ENTREP1: variants seen among roughly 807,000 people sequenced by gnomAD.
The protein encoded by ENTREP1 is Friedreich ataxia region gene X123.
the ENTREP1 span, among the ~76,000 whole-genome samples, chr9:69,352,232 C>A: frequency 1.3e-5 from 2 of 152,126 alleles, no homozygotes; most frequent in Admixed American, 1.3e-4. Flanking sequence ...AATTCTCCTG[C>A]CTCAGCCTCC....
the ENTREP1 span, among the ~76,000 whole-genome samples, chr9:69,347,231 C>A: frequency 6.6e-6 from 1 of 152,218 alleles, no homozygotes; most frequent in Admixed American, 6.5e-5. Flanking sequence ...TGGGCCTGGA[C>A]TCCTGGATGC....
At chr9:69,387,779 T>G in the ENTREP1 span, 5 of 685,874 alleles carry the variant, frequency 7.3e-6, no homozygotes, top group Non-Finnish European at 1.1e-5. Flanking sequence ...TCCTCGCTCC[T>G]TGGAACATCC....
the ENTREP1 span, among the ~76,000 whole-genome samples, chr9:69,347,003 C>T: frequency 3.9e-5 from 6 of 152,294 alleles, no homozygotes; most frequent in East Asian, 1.9e-4. Context: ...GGACCGTTGT[C>T]GGCTACACCT....
chr9:69,345,213 G>A, the ENTREP1 span, among the ~76,000 whole-genome samples: 2 of 152,092 alleles, frequency 1.3e-5, no homozygotes, highest in Non-Finnish European at 2.9e-5. Context: ...GTAGAATTGG[G>A]TATAATGAGC....
chr9:69,363,545 T>C, the ENTREP1 span, among the ~76,000 whole-genome samples: 1 of 152,242 alleles, frequency 6.6e-6, no homozygotes, highest in Middle Eastern at 3.4e-3. Context: ...AGTGAAACTG[T>C]TAACCTTTTC....
the ENTREP1 span, among the ~76,000 whole-genome samples, chr9:69,343,920 A>G: frequency 6.6e-6 from 1 of 152,206 alleles, no homozygotes; most frequent in Non-Finnish European, 1.5e-5. Flanking sequence ...AGCTTGGACC[A>G]ACCAATGTAT....
chr9:69,352,233 C>G, the ENTREP1 span, among the ~76,000 whole-genome samples: 1 of 152,166 alleles, frequency 6.6e-6, no homozygotes, highest in African/African-American at 2.4e-5. Context: ...ATTCTCCTGC[C>G]TCAGCCTCCC....
chr9:69,372,705 A>G, the ENTREP1 span, among the ~76,000 whole-genome samples: 2 of 152,184 alleles, frequency 1.3e-5, no homozygotes, highest in Admixed American at 6.5e-5. Flanking sequence ...TATAACCAGA[A>G]GTGATCATTT....
At chr9:69,383,514 A>G in the ENTREP1 span, 1 of 1,542,568 alleles carries the variant, frequency 6.5e-7, no homozygotes, top group African/African-American at 1.4e-5. Context: ...AGACCATGGT[A>G]TGGAGAGGTG....
chr9:69,340,950 A>G, the ENTREP1 span, among the ~76,000 whole-genome samples: 1 of 152,206 alleles, frequency 6.6e-6, no homozygotes, highest in Admixed American at 6.5e-5. Flanking sequence ...AGTGTTTACA[A>G]ATGATGGACA....
chr9:69,344,168 G>A, the ENTREP1 span, among the ~76,000 whole-genome samples: 5 of 152,154 alleles, frequency 3.3e-5, no homozygotes, highest in Admixed American at 6.5e-5. Flanking sequence ...TTAATGATTT[G>A]GGGCAAGAGG....
chr9:69,365,437 G>A, the ENTREP1 span, among the ~76,000 whole-genome samples: 9 of 152,182 alleles, frequency 5.9e-5, no homozygotes, highest in East Asian at 1.2e-3. Context: ...TACATGGATA[G>A]CAACAAAATA....
chr9:69,370,953 G>A, the ENTREP1 span, among the ~76,000 whole-genome samples: 1 of 152,060 alleles, frequency 6.6e-6, no homozygotes, highest in Admixed American at 6.5e-5. Flanking sequence ...AGTAATATTT[G>A]TAATAATTAA....
At chr9:69,332,269 G>A in the ENTREP1 span, among the ~76,000 whole-genome samples, 1 of 152,204 alleles carries the variant, frequency 6.6e-6, no homozygotes, top group Admixed American at 6.5e-5. Context: ...TTTGTTGCGG[G>A]GTTCAGGAAT....
At chr9:69,384,082 G>T in the ENTREP1 span, 1 of 1,340,238 alleles carries the variant, frequency 7.5e-7, no homozygotes, top group African/African-American at 1.4e-5. Context: ...AATAGGCTGG[G>T]CAAGGTGGCT....
At chr9:69,375,974 T>C in the ENTREP1 span, 3 of 1,201,058 alleles carry the variant, frequency 2.5e-6, no homozygotes, top group Non-Finnish European at 3.5e-6. Context: ...ACAATTAAGC[T>C]GCTGAAAGCG....
chr9:69,325,467 C>T, the ENTREP1 span: 7 of 934,982 alleles, frequency 7.5e-6, no homozygotes, highest in African/African-American at 1.8e-5. Context: ...CTGCAGCCCC[C>T]GTCGCGGCCT....
chr9:69,391,525 G>C, the ENTREP1 span: 1 of 1,222,236 alleles, frequency 8.2e-7, no homozygotes, highest in Non-Finnish European at 1.2e-6. Context: ...TAGGTGGATG[G>C]ACCTAGGAGG....
chr9:69,325,195 C>T, the ENTREP1 span: 4 of 1,027,242 alleles, frequency 3.9e-6, no homozygotes, highest in Non-Finnish European at 4.7e-6. Flanking sequence ...CCCTCCCCCT[C>T]GGCCTCGGAG....
Sources: allele counts gnomAD v4.1 joint callset (sites outside exome capture counted in the v4.1 genomes callset), GRCh38; gene constraint gnomAD v4.1.1; transcripts MANE v1.5; gene names NCBI Gene and HGNC (gene_info 2026-07-23, HGNC 2026-07-21).